ECI2: variants seen among roughly 807,000 people sequenced by gnomAD.
The protein encoded by ECI2 is enoyl-CoA delta isomerase 2, also known as D3,D2-enoyl-CoA isomerase.
Under a neutral mutation model 38.4 loss-of-function variants are expected in ECI2, and 27 were observed. The ratio of observed to expected loss-of-function variants is 0.70; its 90% confidence interval spans 0.52 to 0.97. ECI2 has a LOEUF of 0.97. Ranked by LOEUF, ECI2 falls within the 50% of genes least tolerant of loss-of-function variation. The pLI, the probability that ECI2 is intolerant of heterozygous loss-of-function variation, is 0.00. For missense variants in ECI2, 470 were observed against 474.4 expected (o/e 0.99, Z 0.09); for synonymous variants, 168 against 172.0 (o/e 0.98, Z 0.18).
chr6:4,121,880 C>T (rs1455178209), intron 7 of ECI2: 1 of 818,062 alleles, frequency 1.2e-6, no homozygotes, highest in East Asian at 2.8e-5. Context: ...GCAGCATATA[C>T]ATAAAAATAA....
intron 7 of ECI2, among the ~76,000 whole-genome samples, chr6:4,122,250 T>C (rs118021651): frequency 0.019 from 2,855 of 151,350 alleles, 156 homozygotes; most frequent in Admixed American, 0.11. Context: ...AGACGGAGTC[T>C]TGCTCGGTTG....
rs781117268 is a variant in ECI2 at position 4,115,985 on chromosome 6, TTCTC to T, written c.1070_1073del (p.Arg357LysfsTer28). On this transcript the variant is annotated frameshift_variant, in exon 10 of 10. Coordinates refer to ENST00000380118, the MANE Select transcript of ECI2 (RefSeq NM_206836.3). LOFTEE classifies it low-confidence loss of function (END_TRUNC). The stretch of plus-strand genomic sequence containing the variant: ...CTTCAGCATTAACAGCGTGTAGTTT[TTCTC>T]TCTCTCTTTTCCTGATTACCTCTTT... 3 of 1,613,982 alleles carry T rather than the reference TTCTC, an allele frequency of 1.9e-6. No homozygotes were observed. Among genetic ancestry groups the T allele is most frequent in the South Asian group, 1.1e-5 (1 of 90,992 alleles).
intron 1 of ECI2, among the ~76,000 whole-genome samples, chr6:4,134,519 C>G (rs1016936604): frequency 2.6e-5 from 4 of 152,056 alleles, no homozygotes; most frequent in African/African-American, 9.7e-5. Flanking sequence ...GAGTTCACGA[C>G]GATGACACTG....
chr6:4,118,991 A>G (rs1449555283), intron 8 of ECI2, 195 bp downstream of exon 8: 1 of 477,302 alleles, frequency 2.1e-6, no homozygotes, highest in African/African-American at 2.0e-5. Flanking sequence ...GAGAATTTCT[A>G]ATTTTCCTGC....
In ECI2 at chr6:4,130,166, T is replaced by C. The variant is rs555343756; in HGVS notation, c.501+206A>G. Reference sequence around the variant, plus strand: ...GGAAAATCACAGTGCCTTCTGGGTATATCAGAACCTACCTGAAATTCACAA... The same window carrying C: ...GGAAAATCACAGTGCCTTCTGGGTACATCAGAACCTACCTGAAATTCACAA... On this transcript the variant is annotated intron_variant, in intron 4 of 9. Coordinates refer to ENST00000380118, the MANE Select transcript of ECI2 (RefSeq NM_206836.3). The C allele has an allele frequency of 1.1e-5, 18 of 1,613,916 alleles. No homozygotes were observed. The East Asian group carries it at 3.6e-4, about 32-fold the overall frequency.
chr6:4,122,003 G>A, intron 7 of ECI2: 1 of 1,607,342 alleles, frequency 6.2e-7, no homozygotes, highest in Non-Finnish European at 8.5e-7. Flanking sequence ...ATACAAGCAG[G>A]AAACTGAGAA....
chr6:4,121,522 T>G (rs1480748725), intron 7 of ECI2, among the ~76,000 whole-genome samples: 1 of 152,218 alleles, frequency 6.6e-6, no homozygotes, highest in Non-Finnish European at 1.5e-5. Flanking sequence ...ATCTATCGCT[T>G]TATAGACAAA....
intron 6 of ECI2, chr6:4,125,773 C>T (rs185634783): frequency 7.1e-6 from 3 of 420,974 alleles, no homozygotes; most frequent in South Asian, 4.4e-5. Flanking sequence ...CCTGTGTTTA[C>T]AAGACTCCTC....
chr6:4,127,937 C>G, intron 4 of ECI2, 106 bp from the exon 5 acceptor site: 6 of 1,026,116 alleles, frequency 5.8e-6, no homozygotes, highest in Admixed American at 2.6e-5. Context: ...AGCAAAGTGC[C>G]TAACATTTAT....
intron 7 of ECI2, among the ~76,000 whole-genome samples, chr6:4,119,601 G>C (rs552995707): frequency 2.0e-5 from 3 of 152,150 alleles, no homozygotes; most frequent in Admixed American, 2.0e-4. Context: ...GATCACAGGC[G>C]TGAGCCACCA....
chr6:4,119,278 G>T lies in ECI2; in HGVS notation c.796-3C>A. ...CTAAATGGTGTATGAAATGTTGCCT[G>T]CAGAGGCAGGAGAGAAAAGAAAACC... is the stretch of plus-strand genomic sequence containing the variant. On this transcript the variant is annotated splice_region_variant and splice_polypyrimidine_tract_variant and intron_variant, in intron 7 of 9. Transcript: ENST00000380118. 1 of 1,594,610 alleles carries T rather than the reference G, an allele frequency of 6.3e-7. No individual in the cohort carries two copies. Among genetic ancestry groups the T allele is most frequent in the South Asian group, 1.1e-5 (1 of 88,478 alleles).
chr6:4,119,551 C>A (rs1487113340), intron 7 of ECI2, among the ~76,000 whole-genome samples: 2 of 152,100 alleles, frequency 1.3e-5, no homozygotes, highest in Non-Finnish European at 2.9e-5. Flanking sequence ...AAACTTCTTA[C>A]CTCAGGTGAT....
chr6:4,131,941 G>A (rs955191725), intron 2 of ECI2, among the ~76,000 whole-genome samples: 5 of 152,068 alleles, frequency 3.3e-5, no homozygotes, highest in Non-Finnish European at 7.4e-5. Context: ...CAGAGATAGT[G>A]TCATCTGGCA....
At chr6:4,128,275 C>T (rs1221906535) in intron 4 of ECI2, among the ~76,000 whole-genome samples, 1 of 151,836 alleles carries the variant, frequency 6.6e-6, no homozygotes, top group Non-Finnish European at 1.5e-5. Context: ...TTCTACAAAG[C>T]AACGTCTCTG....
intron 4 of ECI2, 86 bp from the exon 5 acceptor site, chr6:4,127,917 G>C: frequency 7.5e-7 from 1 of 1,334,074 alleles, no homozygotes; most frequent in Non-Finnish European, 1.0e-6. Flanking sequence ...CAGGCTGCAA[G>C]CTTGCTCTCA....
chr6:4,123,308 C>G (rs112732951), intron 7 of ECI2, among the ~76,000 whole-genome samples: 3,413 of 152,000 alleles, frequency 0.022, 144 homozygotes, highest in African/African-American at 0.078. Context: ...TCCAATGTAG[C>G]TGGGATTACA....
intron 7 of ECI2, among the ~76,000 whole-genome samples, chr6:4,124,083 T>A (rs1482927186): frequency 6.6e-6 from 1 of 152,188 alleles, no homozygotes; most frequent in Non-Finnish European, 1.5e-5. Flanking sequence ...ATCCCCAATT[T>A]TAGGTCAGGA....
Position 4,119,232 on chromosome 6 carries a change from TCCGGACTTTGGCC to T in ECI2, c.826_838del (p.Gly276LysfsTer11). 1 of 1,613,876 alleles carries T rather than the reference TCCGGACTTTGGCC, an allele frequency of 6.2e-7. No homozygotes were observed. The highest frequency in any genetic ancestry group is 1.1e-5 in the South Asian group (1 of 91,070). On this transcript the variant is annotated frameshift_variant, in exon 8 of 10. Coordinates refer to ENST00000380118, the MANE Select transcript of ECI2 (RefSeq NM_206836.3). LOFTEE classifies it high-confidence loss of function. ...CGGAAAAGTGTAAGAGGAGCATCCTTCCGGACTTTGGCCTAGGTGACTAAATGGTGTATGAAAT... is the reference window on the plus strand; with the variant it reads ...CGGAAAAGTGTAAGAGGAGCATCCTTTAGGTGACTAAATGGTGTATGAAAT...
intron 2 of ECI2, among the ~76,000 whole-genome samples, chr6:4,132,227 T>C (rs2113026005): frequency 6.6e-6 from 1 of 152,206 alleles, no homozygotes; most frequent in South Asian, 2.1e-4. Flanking sequence ...ATGTGGAGTT[T>C]CCATTGTCCT....
Sources: allele counts gnomAD v4.1 joint callset (sites outside exome capture counted in the v4.1 genomes callset), GRCh38; gene constraint gnomAD v4.1.1; transcripts MANE v1.5; gene names NCBI Gene and HGNC (gene_info 2026-07-23, HGNC 2026-07-21).